UBE2E2: variants seen among roughly 807,000 people sequenced by gnomAD.
The protein encoded by UBE2E2 is ubiquitin-conjugating enzyme E2 E2.
In UBE2E2, 6 loss-of-function variants were observed where a neutral mutation model predicts 24.7. The ratio of observed to expected loss-of-function variants is 0.24; its 90% CI spans 0.13 to 0.48. The LOEUF (loss-of-function observed/expected upper bound fraction) is 0.48. UBE2E2 is among the 20% of genes least tolerant of loss of function. The pLI, the probability that UBE2E2 is intolerant of heterozygous loss-of-function variation, is 0.99. For missense variants in UBE2E2, 169 were observed against 245.0 expected, an observed-to-expected ratio of 0.69 and a Z score of 2.07; for synonymous variants, 104 against 83.6, an observed-to-expected ratio of 1.24 and a Z score of -1.33.
chr3:23,553,195 G>T (rs1695690638), intron 5 of UBE2E2, among the ~76,000 whole-genome samples: 1 of 151,866 alleles, frequency 6.6e-6, no homozygotes, highest in South Asian at 2.1e-4. Flanking sequence ...TGTTAATATA[G>T]CCCAAAATGC....
chr3:23,557,572 G>A (rs920712502), intron 5 of UBE2E2, among the ~76,000 whole-genome samples: 1 of 152,160 alleles, frequency 6.6e-6, no homozygotes, highest in Admixed American at 6.6e-5. Context: ...AGAAACTGGA[G>A]TACCCAGAGA....
intron 3 of UBE2E2, among the ~76,000 whole-genome samples, chr3:23,235,328 G>T (rs1477312429): frequency 6.6e-6 from 1 of 152,116 alleles, no homozygotes; most frequent in Non-Finnish European, 1.5e-5. Flanking sequence ...AAAGTTGTTA[G>T]GTACATAAGG....
At chr3:23,229,065 T>C (rs901187214) in intron 3 of UBE2E2, among the ~76,000 whole-genome samples, 1 of 152,214 alleles carries the variant, frequency 6.6e-6, no homozygotes, top group Non-Finnish European at 1.5e-5. Context: ...ACAACTCTTT[T>C]ACCCGTTTCA....
chr3:23,483,316 T>C (rs1699294427), intron 3 of UBE2E2, among the ~76,000 whole-genome samples: 6 of 152,262 alleles, frequency 3.9e-5, no homozygotes, highest in Admixed American at 2.6e-4. Context: ...TGACAGTAAT[T>C]TGAAAAATAT....
chr3:23,348,390 T>A (rs1695625175), intron 3 of UBE2E2, among the ~76,000 whole-genome samples: 1 of 151,662 alleles, frequency 6.6e-6, no homozygotes, highest in Non-Finnish European at 1.5e-5. Flanking sequence ...TAAAGCTTAT[T>A]GCTAGGGTTA....
intron 3 of UBE2E2, among the ~76,000 whole-genome samples, chr3:23,256,950 C>T (rs916805317): frequency 4.6e-5 from 7 of 152,294 alleles, no homozygotes; most frequent in African/African-American, 1.7e-4. Flanking sequence ...GATGGAACAC[C>T]AGGCACTTAT....
chr3:23,275,434 T>C lies in UBE2E2; in HGVS notation c.227+58122T>C, dbSNP rs1271482945. 3.3e-5 allele frequency among the ~76,000 whole-genome samples: 5 copies of C among 152,166 alleles called. No individual in the cohort carries two copies. The East Asian group carries it at 7.7e-4, about 23-fold the overall frequency. The stretch of plus-strand genomic sequence containing the variant: ...GGTGTTACAGTAGATTGACTCAAGA[T>C]AAGGCTGGGCCTAGATCAAATCCTG... On this transcript the variant is annotated intron_variant, in intron 3 of 5. Coordinates refer to ENST00000396703, the MANE Select transcript of UBE2E2 (RefSeq NM_152653.4).
At chr3:23,573,366 T>C (rs1255858125) in intron 5 of UBE2E2, among the ~76,000 whole-genome samples, 6 of 152,200 alleles carry the variant, frequency 3.9e-5, no homozygotes, top group African/African-American at 1.4e-4. Flanking sequence ...TGCTTTGAAT[T>C]CTTAAATTTT....
At chr3:23,554,724 G>A (rs1431957803) in intron 5 of UBE2E2, among the ~76,000 whole-genome samples, 1 of 151,942 alleles carries the variant, frequency 6.6e-6, no homozygotes. Context: ...ATAAATAAAT[G>A]TAACTACATC....
chr3:23,351,109 G>A (rs558027635), intron 3 of UBE2E2, among the ~76,000 whole-genome samples: 35 of 152,224 alleles, frequency 2.3e-4, no homozygotes, highest in Middle Eastern at 6.8e-3. Context: ...TGAATTTTCA[G>A]CCCATAATTT....
At chr3:23,503,940 A>G (rs897812909) in intron 4 of UBE2E2, among the ~76,000 whole-genome samples, 1 of 152,218 alleles carries the variant, frequency 6.6e-6, no homozygotes, top group Non-Finnish European at 1.5e-5. Flanking sequence ...AAGTATTTTA[A>G]TGTTATTCAT....
intron 3 of UBE2E2, among the ~76,000 whole-genome samples, chr3:23,426,575 G>A (rs1697931327): frequency 6.6e-6 from 1 of 152,144 alleles, no homozygotes; most frequent in South Asian, 2.1e-4. Context: ...CACAATAAGA[G>A]AGTGAAGTGA....
intron 1 of UBE2E2, among the ~76,000 whole-genome samples, chr3:23,204,244 T>A (rs1696064257): frequency 6.6e-6 from 1 of 151,464 alleles, no homozygotes; most frequent in Non-Finnish European, 1.5e-5. Flanking sequence ...TTCTTGTGGC[T>A]TTTTTCCCCC....
intron 3 of UBE2E2, among the ~76,000 whole-genome samples, chr3:23,275,041 T>C (rs1248187408): frequency 6.6e-6 from 1 of 152,218 alleles, no homozygotes; most frequent in Non-Finnish European, 1.5e-5. Flanking sequence ...TCAGGAAATA[T>C]CTGAGTGCCT....
intron 3 of UBE2E2, among the ~76,000 whole-genome samples, chr3:23,362,074 G>T (rs1696132446): frequency 6.6e-6 from 1 of 152,132 alleles, no homozygotes; most frequent in African/African-American, 2.4e-5. Context: ...GGCCAAAATG[G>T]TGAACTAGTA....
At chr3:23,228,909 A>G (rs939737559) in intron 3 of UBE2E2, among the ~76,000 whole-genome samples, 1 of 152,212 alleles carries the variant, frequency 6.6e-6, no homozygotes, top group Non-Finnish European at 1.5e-5. Context: ...AGGCCTAGTA[A>G]TAATTTGAAA....
intron 3 of UBE2E2, among the ~76,000 whole-genome samples, chr3:23,415,835 G>T (rs1420785814): frequency 6.6e-6 from 1 of 151,946 alleles, no homozygotes; most frequent in Non-Finnish European, 1.5e-5. Flanking sequence ...ATGGTGGTTT[G>T]CTGCACCCAT....
intron 3 of UBE2E2, among the ~76,000 whole-genome samples, chr3:23,362,969 C>T (rs530782621): frequency 2.0e-5 from 3 of 152,076 alleles, no homozygotes; most frequent in Non-Finnish European, 4.4e-5. Flanking sequence ...CCCTACAAGT[C>T]AGAAGAGATT....
At chr3:23,578,133 C>T (rs2125516825) in intron 5 of UBE2E2, among the ~76,000 whole-genome samples, 1 of 151,076 alleles carries the variant, frequency 6.6e-6, no homozygotes, top group African/African-American at 2.4e-5. Context: ...AGGACATGAA[C>T]AGACACTTCT....
Sources: allele counts gnomAD v4.1 joint callset (sites outside exome capture counted in the v4.1 genomes callset), GRCh38; gene constraint gnomAD v4.1.1; transcripts MANE v1.5; gene names NCBI Gene and HGNC (gene_info 2026-07-23, HGNC 2026-07-21).